MCC: variants seen among roughly 807,000 people sequenced by gnomAD.
MCC encodes the protein MCC regulator of Wnt signaling pathway, also known as colorectal mutant cancer protein.
MCC carries 90 observed loss-of-function variants against 116.2 expected under a neutral mutation model. The observed-to-expected ratio is 0.77, with a 90% confidence interval of 0.65 to 0.92. The LOEUF (loss-of-function observed/expected upper bound fraction) is 0.92. MCC is among the 40% of genes least tolerant of loss of function. The pLI, the probability that MCC is intolerant of heterozygous loss-of-function variation, is 0.00. For missense variants in MCC, 1,516 were observed against 1,312.2 expected (o/e 1.16, Z -2.40); for synonymous variants, 578 against 510.5 (o/e 1.13, Z -1.78).
At chr5:113,433,822 C>G (rs778324817) in intron 1 of MCC, 3 of 1,613,866 alleles carry the variant, frequency 1.9e-6, no homozygotes, top group Non-Finnish European at 2.5e-6. Flanking sequence ...CCCAGGATCT[C>G]CGACTGCCTG....
intron 3 of MCC, among the ~76,000 whole-genome samples, chr5:113,269,545 C>T (rs1765536761): frequency 6.6e-6 from 1 of 152,212 alleles, no homozygotes; most frequent in African/African-American, 2.4e-5. Flanking sequence ...GCCATTATTA[C>T]ACTTGCTAAT....
chr5:113,104,410 T>C (rs956376913), intron 6 of MCC, 55 bp from the exon 7 acceptor site: 1 of 1,507,730 alleles, frequency 6.6e-7, no homozygotes, highest in Non-Finnish European at 9.0e-7. Context: ...GCTGTCTGTT[T>C]TGCTTACCAT....
At chr5:113,187,327 T>C (rs1322680064) in intron 3 of MCC, among the ~76,000 whole-genome samples, 1 of 152,158 alleles carries the variant, frequency 6.6e-6, no homozygotes, top group Admixed American at 6.5e-5. Context: ...CAGGCTCATT[T>C]TGAATTCTTG....
At chr5:113,069,822 G>A (rs138090787) in intron 12 of MCC, among the ~76,000 whole-genome samples, 1,981 of 152,202 alleles carry the variant, frequency 0.013, 35 homozygotes, top group Non-Finnish European at 0.017. Flanking sequence ...TCCTGACCTC[G>A]TGATCCGCCC....
chr5:113,076,333 G>A (rs13355742), intron 11 of MCC, among the ~76,000 whole-genome samples: 2,606 of 152,240 alleles, frequency 0.017, 39 homozygotes, highest in Non-Finnish European at 0.03. Flanking sequence ...TCCTTGAGAA[G>A]AGCATCTCCA....
At chr5:113,059,702 G>A (rs77046323) in intron 14 of MCC, among the ~76,000 whole-genome samples, 13,122 of 152,270 alleles carry the variant, frequency 0.086, 862 homozygotes, top group African/African-American at 0.18. Context: ...TCTCCTTTCC[G>A]TGATGCTCTG....
intron 3 of MCC, among the ~76,000 whole-genome samples, chr5:113,319,542 G>C (rs1767367426): frequency 6.6e-6 from 1 of 152,182 alleles, no homozygotes; most frequent in African/African-American, 2.4e-5. Context: ...CATTTTCTGT[G>C]AGCTGGACCA....
At position 113,053,838 on chromosome 5, in the gene MCC, C is replaced by T; in HGVS notation, c.2335G>A (p.Glu779Lys). ...DRAAVKLTML[E>K]LESIHIDPLS... Reference sequence around the variant, plus strand: ...GGATCGATGTGGATGCTTTCCAGCTCCAGCATGGTCAGCTTGACCGCAGCC... The same window carrying T: ...GGATCGATGTGGATGCTTTCCAGCTTCAGCATGGTCAGCTTGACCGCAGCC... The change falls in exon 15 of 19, where the codon GAG (glutamate) becomes AAG (lysine). Residue 779 changes from glutamate (E) to lysine (K), a missense_variant. Coordinates refer to ENST00000408903, the MANE Select transcript of MCC (RefSeq NM_001085377.2). 5 of 1,614,140 alleles carry T rather than the reference C, an allele frequency of 3.1e-6. No homozygotes were observed. The highest frequency in any genetic ancestry group is 4.2e-6 in the Non-Finnish European group (5 of 1,180,008).
At chr5:113,093,472 T>G (rs573782805) in intron 8 of MCC, among the ~76,000 whole-genome samples, 19 of 148,854 alleles carry the variant, frequency 1.3e-4, no homozygotes, top group Non-Finnish European at 9.0e-5. Context: ...TCTGTTGATC[T>G]CTCTCTCTCT....
intron 1 of MCC, among the ~76,000 whole-genome samples, chr5:113,415,847 G>C (rs1332443497): frequency 6.6e-6 from 1 of 152,150 alleles, no homozygotes; most frequent in Non-Finnish European, 1.5e-5. Context: ...AGGAGAAAAG[G>C]CGCTCTGGTT....
chr5:113,284,168 G>C (rs1170988582), intron 3 of MCC, among the ~76,000 whole-genome samples: 1 of 152,218 alleles, frequency 6.6e-6, no homozygotes, highest in Non-Finnish European at 1.5e-5. Flanking sequence ...CTGGGTGACT[G>C]GCAAAATCCC....
chr5:113,169,783 G>A (rs1194229199), intron 3 of MCC, among the ~76,000 whole-genome samples: 3 of 152,160 alleles, frequency 2.0e-5, no homozygotes, highest in Non-Finnish European at 4.4e-5. Flanking sequence ...CTGTGTGAGT[G>A]TTTGTAGTCA....
chr5:113,334,300 C>T (rs925961822), intron 3 of MCC, among the ~76,000 whole-genome samples: 12 of 150,480 alleles, frequency 8.0e-5, no homozygotes, highest in Admixed American at 5.3e-4. Flanking sequence ...TTTCACCTCC[C>T]GAGCTCAAGT....
chr5:113,310,466 T>C (rs1767110940), intron 3 of MCC, among the ~76,000 whole-genome samples: 2 of 152,248 alleles, frequency 1.3e-5, no homozygotes, highest in South Asian at 4.1e-4. Flanking sequence ...GTCTGTGGTA[T>C]CCTGTTACAG....
chr5:113,135,073 C>T (rs540049670), intron 5 of MCC, among the ~76,000 whole-genome samples: 182 of 151,422 alleles, frequency 1.2e-3, no homozygotes, highest in South Asian at 4.8e-3. Context: ...TCCTGAGTAG[C>T]TGACTACAGG....
chr5:113,190,943 A>T (rs1195397848), intron 3 of MCC, among the ~76,000 whole-genome samples: 1 of 152,232 alleles, frequency 6.6e-6, no homozygotes, highest in Non-Finnish European at 1.5e-5. Flanking sequence ...GTGGGCAAGG[A>T]AGATGGAGTG....
rs78922218 is a variant in MCC at position 113,029,205 on chromosome 5, G to A, written c.2757-149C>T. 1,694 of 597,398 alleles carry A rather than the reference G, an allele frequency of 2.8e-3. 26 individuals carry two copies. The highest frequency in any genetic ancestry group is 0.028 in the African/African-American group (1,492 of 52,710). The allele number at this position is 597,398 out of a possible 1,614,324, so 37.0% of individuals were successfully genotyped here. A position where few individuals can be genotyped will look rare whatever the true frequency, so the allele number is the denominator to read the frequency against. Reference sequence around the variant, plus strand: ...AAAAGATACTAAAGGGCCCAACAGCGCTACTGTCACCTGAATGAATTCATT... The same window carrying A: ...AAAAGATACTAAAGGGCCCAACAGCACTACTGTCACCTGAATGAATTCATT... On this transcript the variant is annotated intron_variant, in intron 17 of 18. Transcript: ENST00000408903.
At chr5:113,078,577 A>G (rs2150239718) in intron 11 of MCC, among the ~76,000 whole-genome samples, 1 of 152,354 alleles carries the variant, frequency 6.6e-6, no homozygotes, top group African/African-American at 2.4e-5. Flanking sequence ...ATCTCAATAG[A>G]TGCAGAAAAG....
chr5:113,245,146 G>A lies in MCC; in HGVS notation c.628-93724C>T, dbSNP rs141480376. Among the ~76,000 whole-genome samples the A allele has an allele frequency of 4.9e-4, 75 of 152,154 alleles. 2 individuals carry two copies. In the East Asian group the frequency reaches 0.014, roughly 29 times the overall value. ...GTCTCTGCTAAAAATAAAATTAGCCGGGCGTGGTGGCATGTGCCTGTAATC... is the reference window on the plus strand; with the variant it reads ...GTCTCTGCTAAAAATAAAATTAGCCAGGCGTGGTGGCATGTGCCTGTAATC... On this transcript the variant is annotated intron_variant, in intron 3 of 18. Coordinates refer to ENST00000408903, the MANE Select transcript of MCC (RefSeq NM_001085377.2).
Sources: gnomAD v4.1 joint callset for allele counts (sites outside exome capture counted in the v4.1 genomes callset) on GRCh38, gnomAD v4.1.1 for gene constraint, MANE v1.5 for transcripts, NCBI Gene and HGNC (gene_info 2026-07-23, HGNC 2026-07-21) for gene names.